Variants in ITPKB observed in about 807,000 individuals in gnomAD.
The protein encoded by ITPKB is IP3 3-kinase B.
A neutral mutation model predicts 69.4 loss-of-function variants in ITPKB; 13 were observed. The observed-to-expected ratio is 0.19, with a 90% CI of 0.12 to 0.30. The LOEUF is 0.30. Among genes scored for constraint, ITPKB ranks in the 10% least tolerant of loss-of-function variants. The pLI, the probability that ITPKB is intolerant of heterozygous loss-of-function variation, is 1.00. For synonymous variants in ITPKB, 584 were observed against 513.7 expected, an observed-to-expected ratio of 1.14 and a Z score of -1.85; for missense variants, 1,240 against 1,250.5, an observed-to-expected ratio of 0.99 and a Z score of 0.13.
intron 2 of ITPKB, among the ~76,000 whole-genome samples, chr1:226,688,905 T>TC (rs752803985): frequency 2.6e-5 from 4 of 151,876 alleles, no homozygotes; most frequent in East Asian, 1.9e-4. Context: ...CACTCCATTT[T>TC]CCCCCCCAAC....
Position 226,737,128 on chromosome 1 carries a change from G to A in ITPKB, c.331C>T (p.Gln111Ter). 6.2e-7 allele frequency: 1 copy of A among 1,603,044 alleles called. No homozygotes were observed. Among genetic ancestry groups the A allele is most frequent in the Non-Finnish European group, 8.5e-7 (1 of 1,179,666 alleles). ...AGGGTACCGGCTGCCACCACCTGCTGCCGGTCCCCTCGCAGGCGACCAGCC... is the reference window on the plus strand; with the variant it reads ...AGGGTACCGGCTGCCACCACCTGCTACCGGTCCCCTCGCAGGCGACCAGCC... ...SWAGRLRGDRQQVVAAGTLSP... is the reference protein window; with the variant it reads ...SWAGRLRGDR The change falls in exon 2 of 8, where the codon CAG becomes TAG. Residue 111 changes from glutamine (Q) to a stop codon, truncating the protein, a stop_gained. Transcript: ENST00000429204. LOFTEE classifies it high-confidence loss of function.
In ITPKB at chr1:226,690,024, C is replaced by T. The variant is rs554477367; in HGVS notation, c.1933-41253G>A. On this transcript the variant is annotated intron_variant, in intron 2 of 7. Transcript: ENST00000429204. ...CTTTATCCAGTCTACCACTGATGGG[C>T]ATTTGGGTTGATTCCATGTCTTTGC... 8.3e-4 allele frequency among the ~76,000 whole-genome samples: 127 copies of T among 152,316 alleles called. 1 individual carries two copies. In the South Asian group the frequency reaches 0.026, roughly 32 times the overall value.
In ITPKB at chr1:226,736,558, T is replaced by C; in HGVS notation, c.901A>G (p.Thr301Ala). The change falls in exon 2 of 8, where the codon ACG (threonine) becomes GCG (alanine). Residue 301 changes from threonine (T) to alanine (A), a missense_variant. Thr to Ala is a moderately conservative substitution (Grantham distance 58). Around this residue, in one of 2 missense-constraint regions of ITPKB, gnomAD observed 992 missense variants for 853.8 expected, o/e 1.16. Coordinates refer to ENST00000429204, the MANE Select transcript of ITPKB (RefSeq NM_002221.4). ...CTCGCTGCCACTTCCGTGGCCATCG[T>C]TAAGCTAGCTCCGAACAGCCCCAAT... Reference protein sequence around the residue: ...PSLGLFGASLTMATEVAARVT... With the variant: ...PSLGLFGASLAMATEVAARVT... 6.2e-7 allele frequency: 1 copy of C among 1,613,994 alleles called. No individual in the cohort carries two copies.
In ITPKB at chr1:226,637,323, G is replaced by A. The variant is rs936214889; in HGVS notation, c.2625+356C>T. ...GGTCTCATCTGAAGATGTAGGTGGC[G>A]GTCGGCGGGTGCCTGGCTACTCTAG... On this transcript the variant is annotated intron_variant, in intron 7 of 7. Coordinates refer to ENST00000429204, the MANE Select transcript of ITPKB (RefSeq NM_002221.4). The surrounding 1 kb of genome is among the most constrained non-coding windows in gnomAD (Gnocchi z 4.3). Among the ~76,000 whole-genome samples the A allele has an allele frequency of 6.6e-6, 1 of 152,210 alleles. No homozygotes were observed. The highest frequency in any genetic ancestry group is 1.5e-5 in the Non-Finnish European group (1 of 68,034).
chr1:226,674,722 T>C (rs528222313), intron 2 of ITPKB, among the ~76,000 whole-genome samples: 1 of 152,268 alleles, frequency 6.6e-6, no homozygotes, highest in South Asian at 2.1e-4. Flanking sequence ...GACCCTTTCC[T>C]TGTATCCCCC....
In ITPKB at chr1:226,655,110, G is replaced by T. The variant is rs372126930; in HGVS notation, c.1933-6339C>A. Among the ~76,000 whole-genome samples the T allele has an allele frequency of 1.7e-4, 26 of 152,176 alleles. No individual in the cohort carries two copies. In the East Asian group the frequency reaches 1.9e-3, roughly 11 times the overall value. The stretch of plus-strand genomic sequence containing the variant: ...AGGAAGAGGAGGGCAGGAGGAAGAA[G>T]AGGGAGGAAGGAGGGGAAGGAGAGA... On this transcript the variant is annotated intron_variant, in intron 2 of 7. Coordinates refer to ENST00000429204, the MANE Select transcript of ITPKB (RefSeq NM_002221.4).
chr1:226,737,396 C>G lies in ITPKB; in HGVS notation c.63G>C (p.Lys21Asn). 6.2e-7 allele frequency: 1 copy of G among 1,610,766 alleles called. No homozygotes were observed. The highest frequency in any genetic ancestry group is 8.5e-7 in the Non-Finnish European group (1 of 1,179,220). ...CACTGGGCCCCGGGCCGCCGCCGCT[C>G]TTCATCTCGTTGGCGCTATTCATGA... ...LVIMNSANEMKSGGGPGPSGS... is the reference protein window; with the variant it reads ...LVIMNSANEMNSGGGPGPSGS... The change falls in exon 2 of 8, where the codon AAG (lysine) becomes AAC (asparagine). Residue 21 changes from lysine to asparagine, a missense_variant. Around this residue, in one of 2 missense-constraint regions of ITPKB, gnomAD observed 992 missense variants for 853.8 expected, o/e 1.16. Transcript: ENST00000429204.
Position 226,736,876 on chromosome 1 carries a change from C to A in ITPKB, c.583G>T (p.Ala195Ser), listed in dbSNP as rs370629682. The change falls in exon 2 of 8, where the codon GCC becomes TCC. Residue 195 changes from alanine to serine, a missense_variant. By Grantham distance (99) the Ala-to-Ser change is moderately conservative. Transcript: ENST00000429204. ...QPPGRVLVQG[A>S]RSEERRTKSW... is the part of the protein sequence containing the mutation. ...TTTGTCCTCCGTTCCTCGCTCCGGG[C>A]GCCCTGAACCAGGACCCTTCCAGGG... The A allele has an allele frequency of 1.2e-6, 2 of 1,610,656 alleles. No homozygotes were observed. The highest frequency in any genetic ancestry group is 1.7e-6 in the Non-Finnish European group (2 of 1,180,020).
intron 2 of ITPKB, among the ~76,000 whole-genome samples, chr1:226,730,698 T>G (rs1657565224): frequency 6.6e-6 from 1 of 152,156 alleles, no homozygotes; most frequent in South Asian, 2.1e-4. Flanking sequence ...TTAAATACCT[T>G]AAAATTCTAC....
chr1:226,667,826 A>ATGTG (rs3841844), intron 2 of ITPKB, among the ~76,000 whole-genome samples: 9,224 of 148,438 alleles, frequency 0.062, 542 homozygotes, highest in Admixed American at 0.18. Context: ...GATGAGGAAA[A>ATGTG]TGTGTGTGTG....
In ITPKB at chr1:226,736,291, C is replaced by T. The variant is rs1383026833; in HGVS notation, c.1168G>A (p.Gly390Ser). The change falls in exon 2 of 8, where the codon GGC becomes AGC. Residue 390 changes from glycine to serine, a missense_variant. By Grantham distance (56) the Gly-to-Ser change is moderately conservative. This residue lies in a region of ITPKB where 992 missense variants were observed against 853.8 expected (regional missense o/e 1.16). Coordinates refer to ENST00000429204, the MANE Select transcript of ITPKB (RefSeq NM_002221.4). ...ACAGTCGTCTCCTCTGGCCTTTTGC[C>T]CACTTCAGGCTCCCCAGAGCCCGGC... ...GMPGSGEPEV[G>S]KRPEETTVSV... 6.2e-7 allele frequency: 1 copy of T among 1,603,248 alleles called. No homozygotes were observed. Among genetic ancestry groups the T allele is most frequent in the Non-Finnish European group, 8.5e-7 (1 of 1,175,940 alleles).
rs3738722 is a variant in ITPKB at position 226,633,236 on chromosome 1, C to T, written c.*1435G>A. The T allele has an allele frequency of 0.13, 20,335 of 152,234 alleles. 1,679 individuals carry two copies. Among genetic ancestry groups the T allele is most frequent in the East Asian group, 0.26 (1,354 of 5,174 alleles). The allele number at this position is 152,234 out of a possible 1,614,324, so 9.4% of individuals were successfully genotyped here. The stretch of plus-strand genomic sequence containing the variant: ...CAGGTTGACAGTTCCCCAGAGACCC[C>T]GGGGTGGTGGGGTGGGCAGTGGTTC... On this transcript the variant is annotated 3_prime_UTR_variant, in exon 8 of 8. Transcript: ENST00000429204.
intron 6 of ITPKB, 91 bp downstream of exon 6, chr1:226,639,466 G>A (rs1668907612): frequency 1.2e-6 from 1 of 866,036 alleles, no homozygotes; most frequent in Non-Finnish European, 2.0e-6. Flanking sequence ...CCCTGGGGGT[G>A]CCTTGTCCTC....
At chr1:226,691,454 C>T (rs1656350818) in intron 2 of ITPKB, among the ~76,000 whole-genome samples, 1 of 152,032 alleles carries the variant, frequency 6.6e-6, no homozygotes, top group Non-Finnish European at 1.5e-5. Flanking sequence ...AAAATCGGCC[C>T]CAGAAAATCC....
intron 4 of ITPKB, 63 bp downstream of exon 4, chr1:226,647,104 C>T: frequency 1.3e-6 from 2 of 1,499,216 alleles, no homozygotes; most frequent in South Asian, 1.1e-5. Flanking sequence ...GAGTGCCACG[C>T]TGTGCACCTG....
At chr1:226,671,262 C>T (rs997062293) in intron 2 of ITPKB, among the ~76,000 whole-genome samples, 4 of 152,160 alleles carry the variant, frequency 2.6e-5, no homozygotes, top group Non-Finnish European at 5.9e-5. Flanking sequence ...ATTCAAACAA[C>T]ATGGGTAAGA....
intron 2 of ITPKB, among the ~76,000 whole-genome samples, chr1:226,687,398 C>CT (rs1483255074): frequency 6.6e-6 from 1 of 152,158 alleles, no homozygotes; most frequent in Non-Finnish European, 1.5e-5. Flanking sequence ...AAGGGGAACA[C>CT]TAGGGTTTGG....
intron 2 of ITPKB, 21 bp from the exon 3 acceptor site, chr1:226,648,792 A>T (rs1431327747): frequency 6.8e-7 from 1 of 1,480,302 alleles, no homozygotes; most frequent in Admixed American, 1.7e-5. Context: ...ACAAACAAAA[A>T]GCTCTACATT....
intron 2 of ITPKB, among the ~76,000 whole-genome samples, chr1:226,649,344 CAT>C (rs1491581978): frequency 4.1e-4 from 45 of 109,518 alleles, no homozygotes; most frequent in African/African-American, 1.1e-3. Context: ...CGTATGTGTG[CAT>C]ATGTGATATA....
Sources: gnomAD v4.1 joint callset for allele counts (sites outside exome capture counted in the v4.1 genomes callset) on GRCh38, gnomAD v4.1.1 for gene constraint, gnomAD v4.1.1 regional missense constraint, Gnocchi (gnomAD v3.1) non-coding constraint, MANE v1.5 for transcripts, NCBI Gene and HGNC (gene_info 2026-07-23, HGNC 2026-07-21) for gene names.